Variants in MAP2K4 observed in about 807,000 individuals in gnomAD.
The protein encoded by MAP2K4 is mitogen-activated protein kinase kinase 4.
MAP2K4 carries 4 observed loss-of-function variants against 48.5 expected under a neutral mutation model. The ratio of observed to expected loss-of-function variants is 0.08; its 90% CI spans 0.04 to 0.19. MAP2K4 has a LOEUF of 0.19. Ranked by LOEUF, MAP2K4 falls within the 10% of genes least tolerant of loss-of-function variation. The probability of loss-of-function intolerance (pLI) is 1.00; values close to 1 mark genes in which losing one functional copy is unlikely to be tolerated. For missense variants in MAP2K4, 258 were observed against 493.3 expected (o/e 0.52, Z 4.52); for synonymous variants, 166 against 173.1 (o/e 0.96, Z 0.32).
At chr17:12,031,015 A>C (rs1969420930) in intron 1 of MAP2K4, among the ~76,000 whole-genome samples, 1 of 152,172 alleles carries the variant, frequency 6.6e-6, no homozygotes, top group South Asian at 2.1e-4. Flanking sequence ...AGACCCATAC[A>C]TCTCTGTTTT....
chr17:12,043,803 C>T (rs980465264), intron 1 of MAP2K4, among the ~76,000 whole-genome samples: 6 of 151,968 alleles, frequency 3.9e-5, no homozygotes, highest in Admixed American at 1.3e-4. Flanking sequence ...GGAAGCTCCC[C>T]GAACCCTATT....
chr17:12,029,786 A>G (rs1969374887), intron 1 of MAP2K4, among the ~76,000 whole-genome samples: 1 of 151,964 alleles, frequency 6.6e-6, no homozygotes, highest in Non-Finnish European at 1.5e-5. Flanking sequence ...AAAAACTCCA[A>G]AAGTTAGCCA....
At chr17:12,066,240 C>T (rs1970613635) in intron 2 of MAP2K4, among the ~76,000 whole-genome samples, 1 of 151,538 alleles carries the variant, frequency 6.6e-6, no homozygotes, top group African/African-American at 2.4e-5. Flanking sequence ...ATCAGTAGTA[C>T]CTGCTTCTGG....
intron 2 of MAP2K4, among the ~76,000 whole-genome samples, chr17:12,071,795 G>T (rs539328368): frequency 6.6e-6 from 1 of 152,216 alleles, no homozygotes; most frequent in African/African-American, 2.4e-5. Flanking sequence ...GTGAACCTGA[G>T]ATTTGGCTTT....
intron 2 of MAP2K4, among the ~76,000 whole-genome samples, chr17:12,078,241 G>T (rs546355291): frequency 6.6e-6 from 1 of 152,170 alleles, no homozygotes; most frequent in Non-Finnish European, 1.5e-5. Context: ...AGCGGCTGTT[G>T]TCTGAGTTTC....
At chr17:12,035,531 A>C (rs1229987056) in intron 1 of MAP2K4, among the ~76,000 whole-genome samples, 3 of 152,158 alleles carry the variant, frequency 2.0e-5, no homozygotes, top group African/African-American at 7.2e-5. Context: ...TAAATAAATA[A>C]ATAACTCCAT....
At chr17:12,052,185 C>G (rs545269306) in intron 1 of MAP2K4, among the ~76,000 whole-genome samples, 1 of 152,214 alleles carries the variant, frequency 6.6e-6, no homozygotes, top group African/African-American at 2.4e-5. Context: ...GTGATCTTTG[C>G]TTGGAAAGGC....
At chr17:12,096,067 T>TCCAC (rs1971741762) in intron 4 of MAP2K4, among the ~76,000 whole-genome samples, 1 of 23,760 alleles carries the variant, frequency 4.2e-5, no homozygotes, top group African/African-American at 1.5e-4. Flanking sequence ...GAGCAACGCC[T>TCCAC]CCCCCCCCCC....
At chr17:12,115,779 A>G (rs111475011) in intron 7 of MAP2K4, 4 of 747,512 alleles carry the variant, frequency 5.4e-6, no homozygotes, top group African/African-American at 1.7e-5. Context: ...GCTGGATTAC[A>G]CATGGCAAGT....
At chr17:12,055,030 A>C (rs1206473270) in intron 2 of MAP2K4, 39 bp downstream of exon 2, 4 of 1,281,314 alleles carry the variant, frequency 3.1e-6, no homozygotes, top group Non-Finnish European at 4.5e-6. Context: ...ACTCAAGCAA[A>C]GATTTTAAAG....
chr17:12,113,671 C>T (rs1371657956), intron 7 of MAP2K4, among the ~76,000 whole-genome samples: 1 of 152,178 alleles, frequency 6.6e-6, no homozygotes, highest in African/African-American at 2.4e-5. Flanking sequence ...AAAGTTCCCA[C>T]CGTCCCTTAG....
intron 1 of MAP2K4, among the ~76,000 whole-genome samples, chr17:12,044,489 T>C (rs748063108): frequency 2.6e-5 from 4 of 152,240 alleles, no homozygotes; most frequent in African/African-American, 9.6e-5. Flanking sequence ...TTATTACTTA[T>C]AACATTATAA....
At chr17:12,024,563 T>G (rs1969196898) in intron 1 of MAP2K4, among the ~76,000 whole-genome samples, 1 of 152,134 alleles carries the variant, frequency 6.6e-6, no homozygotes, top group Admixed American at 6.6e-5. Context: ...TAGATCTGTT[T>G]GCCAAGTTAG....
At chr17:12,022,674 G>A (rs117749882) in intron 1 of MAP2K4, among the ~76,000 whole-genome samples, 149 of 152,316 alleles carry the variant, frequency 9.8e-4, no homozygotes, top group Non-Finnish European at 1.9e-3. Flanking sequence ...TGAGTTTATA[G>A]AGAATTGAAC....
At chr17:12,059,313 A>T (rs1027579676) in intron 2 of MAP2K4, among the ~76,000 whole-genome samples, 1 of 152,178 alleles carries the variant, frequency 6.6e-6, no homozygotes, top group African/African-American at 2.4e-5. Flanking sequence ...TACTCTAGGG[A>T]TATTCTTATA....
chr17:12,122,314 C>CT (rs1339887396), intron 7 of MAP2K4, among the ~76,000 whole-genome samples: 1 of 152,192 alleles, frequency 6.6e-6, no homozygotes, highest in Non-Finnish European at 1.5e-5. Flanking sequence ...CTGCTGCCTG[C>CT]TTTTCCTCTT....
chr17:12,088,229 G>C (rs1362331852), intron 3 of MAP2K4, among the ~76,000 whole-genome samples: 1 of 151,770 alleles, frequency 6.6e-6, no homozygotes, highest in Non-Finnish European at 1.5e-5. Flanking sequence ...TGGTTGATCT[G>C]ATGTCAATCA....
intron 7 of MAP2K4, among the ~76,000 whole-genome samples, chr17:12,118,806 G>A (rs992252278): frequency 6.6e-6 from 1 of 152,168 alleles, no homozygotes; most frequent in East Asian, 1.9e-4. Context: ...GCCAGCACTT[G>A]GCCAACAGTG....
chr17:12,140,949 C>T (rs1307960058), intron 10 of MAP2K4, among the ~76,000 whole-genome samples, 198 bp from the exon 11 acceptor site: 1 of 152,148 alleles, frequency 6.6e-6, no homozygotes, highest in Non-Finnish European at 1.5e-5. Flanking sequence ...CGTATCCTCT[C>T]TCTAGGCATG....
Sources: gnomAD v4.1 joint callset for allele counts (sites outside exome capture counted in the v4.1 genomes callset) on GRCh38, gnomAD v4.1.1 for gene constraint, MANE v1.5 for transcripts, NCBI Gene and HGNC (gene_info 2026-07-23, HGNC 2026-07-21) for gene names.